Variants in ITPRIP observed in about 807,000 individuals in gnomAD.
ITPRIP encodes inositol 1,4,5-trisphosphate receptor-interacting protein.
Under a neutral mutation model 35.8 loss-of-function variants are expected in ITPRIP, and 32 were observed. The observed-to-expected ratio is 0.89, with a 90% CI of 0.68 to 1.20. The LOEUF is 1.20. Ranked by LOEUF, ITPRIP falls within the 50% of genes most tolerant of loss-of-function variation. The probability of loss-of-function intolerance (pLI) is 0.00; values close to 1 mark genes in which losing one functional copy is unlikely to be tolerated. For synonymous variants in ITPRIP, 358 were observed against 324.0 expected (o/e 1.11, Z -1.13); for missense variants, 653 against 735.6 (o/e 0.89, Z 1.30).
intron 1 of ITPRIP, among the ~76,000 whole-genome samples, chr10:104,335,447 G>A (rs1030614105): frequency 2.3e-4 from 35 of 152,202 alleles, no homozygotes; most frequent in Non-Finnish European, 3.2e-4. Flanking sequence ...TGCAGCCACC[G>A]CCGTTTCCCT....
chr10:104,322,402 A>T (rs187586240), intron 1 of ITPRIP, among the ~76,000 whole-genome samples: 117 of 152,342 alleles, frequency 7.7e-4, no homozygotes, highest in African/African-American at 2.7e-3. Context: ...TCCCTCTGGG[A>T]CAGTGGTTCT....
At chr10:104,329,043 GCACA>G (rs66606338) in intron 1 of ITPRIP, 36 of 149,110 alleles carry the variant, frequency 2.4e-4, no homozygotes, top group South Asian at 6.4e-4. Context: ...CTGCACGCAT[GCACA>G]CACACACACA....
chr10:104,315,818 C>T lies in ITPRIP; in HGVS notation c.234G>A (p.Gln78=). ...ALEQVAEEGR[Q]QNETRVAWDL... ...CCCAGGCCACGCGTGTCTCGTTCTG[C>T]TGCCTGCCCTCCTCCGCCACCTGCT... The change falls in exon 2 of 2, where the codon CAG becomes CAA. Residue 78 remains glutamine (Q), a synonymous_variant. Transcript: ENST00000337478. This position sits in a 1 kb window ranked among gnomAD's most constrained non-coding sequence, Gnocchi z 5.7. 6.2e-7 allele frequency: 1 copy of T among 1,613,248 alleles called. No homozygotes were observed.
At chr10:104,335,551 A>G (rs1416184945) in intron 1 of ITPRIP, among the ~76,000 whole-genome samples, 1 of 152,100 alleles carries the variant, frequency 6.6e-6, no homozygotes, top group Non-Finnish European at 1.5e-5. Flanking sequence ...AAGGAAAGTC[A>G]CTTGATTCTT....
rs1230914452 is a variant in ITPRIP, at chr10:104,333,160, G to C, written c.-14+5086C>G. Among the ~76,000 whole-genome samples the C allele has an allele frequency of 6.6e-6, 1 of 152,158 alleles. No homozygotes were observed. The highest frequency in any genetic ancestry group is 1.5e-5 in the Non-Finnish European group (1 of 68,024). ...ATCCAGGCTGCAGGAGGACCCCTAA[G>C]GAGTCCCGTTCAGAGAACTGAAGGA... is the stretch of plus-strand genomic sequence containing the variant. On this transcript the variant is annotated intron_variant, in intron 1 of 1. Coordinates refer to ENST00000337478, the MANE Select transcript of ITPRIP (RefSeq NM_001272013.2). This position sits in a 1 kb window ranked among gnomAD's most constrained non-coding sequence, Gnocchi z 4.1.
chr10:104,337,799 G>C (rs552748255), intron 1 of ITPRIP, among the ~76,000 whole-genome samples: 7 of 152,270 alleles, frequency 4.6e-5, no homozygotes, highest in African/African-American at 1.2e-4. Flanking sequence ...AGGAAGGGAG[G>C]GAAGGGGAAG....
At chr10:104,335,435 C>T (rs1303562621) in intron 1 of ITPRIP, among the ~76,000 whole-genome samples, 3 of 152,132 alleles carry the variant, frequency 2.0e-5, no homozygotes, top group Non-Finnish European at 4.4e-5. Flanking sequence ...CAGGACCCTG[C>T]GTGCAGCCAC....
chr10:104,336,863 T>C (rs2014245134), intron 1 of ITPRIP, among the ~76,000 whole-genome samples: 1 of 152,256 alleles, frequency 6.6e-6, no homozygotes, highest in African/African-American at 2.4e-5. Context: ...GCATTCCTTT[T>C]GTTGCCAAAC....
chr10:104,321,926 G>C (rs1229959539), intron 1 of ITPRIP, among the ~76,000 whole-genome samples: 2 of 152,030 alleles, frequency 1.3e-5, no homozygotes, highest in African/African-American at 4.8e-5. Context: ...TGAGCTCGAG[G>C]AACATGATGG....
chr10:104,316,979 T>C (rs561871253), intron 1 of ITPRIP, among the ~76,000 whole-genome samples: 6 of 152,324 alleles, frequency 3.9e-5, no homozygotes, highest in African/African-American at 1.4e-4. Context: ...GGTCATGGTA[T>C]TGAGAGACGC....
intron 1 of ITPRIP, among the ~76,000 whole-genome samples, chr10:104,335,028 G>A (rs2014211063): frequency 6.6e-6 from 1 of 152,178 alleles, no homozygotes; most frequent in Non-Finnish European, 1.5e-5. Context: ...GTTTCTGAGC[G>A]GGCACAGCTA....
chr10:104,314,549 G>A lies in ITPRIP; in HGVS notation c.1503C>T (p.Asn501=), dbSNP rs144613450. The change falls in exon 2 of 2, where the codon AAC becomes AAT. Residue 501 remains asparagine (N), a synonymous_variant. Transcript: ENST00000337478. ...PEAVLRAEPL[N]LFRPFVLQRS... is the part of the protein sequence containing the mutation. ...GCTGCAGGACGAAGGGCCGGAAGAG[G>A]TTGAGGGGCTCGGCCCTGAGCACGG... 24 of 1,614,098 alleles carry A rather than the reference G, an allele frequency of 1.5e-5. No individual in the cohort carries two copies. In the Admixed American group the frequency reaches 1.5e-4, roughly 10 times the overall value.
chr10:104,335,583 A>G (rs182002748), intron 1 of ITPRIP, among the ~76,000 whole-genome samples: 1 of 152,306 alleles, frequency 6.6e-6, no homozygotes, highest in East Asian at 1.9e-4. Context: ...CCCATCAGCC[A>G]TCAAGGCCCG....
Position 104,313,370 on chromosome 10 carries a change from G to GC in ITPRIP, c.*1037dup. The stretch of plus-strand genomic sequence containing the variant: ...TACAGCAGAGACTTCGCTGCAGGAC[G>GC]CAGGGCCAGAAGAGGTTGAGAGGCT... On this transcript the variant is annotated 3_prime_UTR_variant, in exon 2 of 2. Transcript: ENST00000337478. The GC allele has an allele frequency of 2.0e-6, 2 of 986,400 alleles. No homozygotes were observed. Among genetic ancestry groups the GC allele is most frequent in the South Asian group, 4.7e-5 (1 of 21,398 alleles). The allele number at this position is 986,400 out of a possible 1,614,324, so 61.1% of individuals were successfully genotyped here.
Position 104,309,976 on chromosome 10 carries a change from A to G in ITPRIP, c.*4432T>C, listed in dbSNP as rs1026895640. 6.6e-6 allele frequency: 1 copy of G among 152,218 alleles called. No homozygotes were observed. The highest frequency in any genetic ancestry group is 6.5e-5 in the Admixed American group (1 of 15,290). 9.4% of individuals were successfully genotyped at this position (152,218 alleles called of 1,614,324 possible). ...ACAAGCAAGCTATTTTTGGATGGCA[A>G]TGAGAAAAGTTAACTCTAAAAGATG... On this transcript the variant is annotated 3_prime_UTR_variant, in exon 2 of 2. Transcript: ENST00000337478.
intron 1 of ITPRIP, among the ~76,000 whole-genome samples, chr10:104,336,411 T>G (rs1351596789): frequency 6.8e-6 from 1 of 146,746 alleles, no homozygotes; most frequent in Non-Finnish European, 1.5e-5. Context: ...ACCTCAACCC[T>G]ACTGGGGCAG....
intron 1 of ITPRIP, among the ~76,000 whole-genome samples, chr10:104,327,863 C>A (rs1368555725): frequency 6.6e-6 from 1 of 152,224 alleles, no homozygotes; most frequent in African/African-American, 2.4e-5. Context: ...CAAGGTCACA[C>A]AACAGCCTGG....
chr10:104,318,186 GA>G (rs141509327), intron 1 of ITPRIP, among the ~76,000 whole-genome samples: 3,218 of 152,314 alleles, frequency 0.021, 121 homozygotes, highest in African/African-American at 0.072. Context: ...GATAATGGCA[GA>G]AACAGGTCAG....
In ITPRIP at chr10:104,333,001, A is replaced by G. The variant is rs540055617; in HGVS notation, c.-14+5245T>C. Among the ~76,000 whole-genome samples the G allele has an allele frequency of 1.7e-3, 252 of 152,374 alleles. 4 individuals are homozygous for G. The highest frequency in any genetic ancestry group is 7.7e-4 in the East Asian group (4 of 5,186). On this transcript the variant is annotated intron_variant, in intron 1 of 1. Transcript: ENST00000337478. The surrounding 1 kb of genome is among the most constrained non-coding windows in gnomAD (Gnocchi z 4.1). ...CAGATACACAATGGCTGCTCGATCA[A>G]TGAAGCCCCCGTAATAAGGATGTGA...
Sources: gnomAD v4.1 joint callset for allele counts (sites outside exome capture counted in the v4.1 genomes callset) on GRCh38, gnomAD v4.1.1 for gene constraint, Gnocchi (gnomAD v3.1) non-coding constraint, MANE v1.5 for transcripts, NCBI Gene and HGNC (gene_info 2026-07-23, HGNC 2026-07-21) for gene names.